ZNF487: variants seen among roughly 807,000 people sequenced by gnomAD.
ZNF487 encodes the protein zinc finger protein 487.
In ZNF487, 4 loss-of-function variants were observed where a neutral mutation model predicts 3.0. The observed-to-expected ratio is 1.35, with a 90% confidence interval of 0.66 to 3.08. The LOEUF is 3.08. ZNF487 is among the 30% of genes most tolerant of loss of function. The pLI, the probability that ZNF487 is intolerant of heterozygous loss-of-function variation, is 0.01. For synonymous variants in ZNF487, 55 were observed against 34.6 expected (o/e 1.59, Z -2.06); for missense variants, 146 against 98.7 (o/e 1.48, Z -2.03).
intron 1 of ZNF487, among the ~76,000 whole-genome samples, chr10:43,448,606 A>C (rs1839896637): frequency 6.6e-6 from 1 of 151,720 alleles, no homozygotes; most frequent in African/African-American, 2.4e-5. Flanking sequence ...ACTTGAGGCC[A>C]GGAGTTTGAG....
At chr10:43,498,096 TA>T in the ZNF487 span, among the ~76,000 whole-genome samples, 452 of 10,416 alleles carry the variant, frequency 0.043, 32 homozygotes, top group South Asian at 0.11. Context: ...TATATATATA[TA>T]TATTTTTTTT....
chr10:43,488,571 G>A, the ZNF487 span, among the ~76,000 whole-genome samples: 2 of 152,102 alleles, frequency 1.3e-5, no homozygotes, highest in African/African-American at 4.8e-5. Flanking sequence ...CTTTGAGAAA[G>A]TACACCTAAT....
intron 3 of ZNF487, among the ~76,000 whole-genome samples, chr10:43,481,166 C>T (rs1015590914): frequency 1.3e-5 from 2 of 151,660 alleles, no homozygotes; most frequent in African/African-American, 4.8e-5. Flanking sequence ...TCCATCTCTA[C>T]AAAAAATACA....
intron 1 of ZNF487, among the ~76,000 whole-genome samples, chr10:43,455,311 T>C (rs1480980443): frequency 6.6e-6 from 1 of 152,192 alleles, no homozygotes; most frequent in South Asian, 2.1e-4. Context: ...GCGCACGGCC[T>C]AGTTTGCACT....
the ZNF487 span, among the ~76,000 whole-genome samples, chr10:43,497,933 C>T: frequency 6.7e-6 from 1 of 148,442 alleles, no homozygotes; most frequent in East Asian, 2.0e-4. Context: ...CGCCACTGCC[C>T]TCCAGCCTGG....
At chr10:43,523,487 C>G in the ZNF487 span, 1 of 152,206 alleles carries the variant, frequency 6.6e-6, no homozygotes, top group Non-Finnish European at 1.5e-5. Context: ...TGGAAGGAAG[C>G]TTGATGAGCT....
At chr10:43,520,227 G>A in the ZNF487 span, among the ~76,000 whole-genome samples, 3 of 151,970 alleles carry the variant, frequency 2.0e-5, no homozygotes, top group Admixed American at 2.0e-4. Context: ...CCCCCAGAGA[G>A]AAAGATCCCT....
the ZNF487 span, among the ~76,000 whole-genome samples, chr10:43,510,784 G>C: frequency 7.9e-5 from 12 of 152,222 alleles, no homozygotes; most frequent in African/African-American, 2.9e-4. Flanking sequence ...CTGACCTCAT[G>C]ATCCGCCCGC....
the ZNF487 span, among the ~76,000 whole-genome samples, chr10:43,517,059 A>C: frequency 6.6e-6 from 1 of 152,224 alleles, no homozygotes; most frequent in South Asian, 2.1e-4. Flanking sequence ...TAAGAGGACA[A>C]CTATCATATT....
At chr10:43,445,731 G>T (rs1366108331) in intron 1 of ZNF487, among the ~76,000 whole-genome samples, 1 of 151,802 alleles carries the variant, frequency 6.6e-6, no homozygotes, top group Non-Finnish European at 1.5e-5. Flanking sequence ...CTCCGAGGGG[G>T]GATTTGGCAG....
intron 1 of ZNF487, among the ~76,000 whole-genome samples, chr10:43,445,613 A>G (rs73255811): frequency 0.033 from 4,911 of 150,442 alleles, 263 homozygotes; most frequent in African/African-American, 0.11. Flanking sequence ...ACTTTACCCA[A>G]TGGGCCATGA....
chr10:43,453,906 T>A (rs756930937), intron 1 of ZNF487: 3 of 152,132 alleles, frequency 2.0e-5, no homozygotes, highest in African/African-American at 4.8e-5. Context: ...ATGAGTATAA[T>A]GCTCTCATGT....
intron 1 of ZNF487, among the ~76,000 whole-genome samples, chr10:43,462,732 G>C (rs892607527): frequency 6.6e-6 from 1 of 150,556 alleles, no homozygotes; most frequent in African/African-American, 2.4e-5. Flanking sequence ...GGGATTACAG[G>C]CATGAGCCAC....
upstream of ZNF487, chr10:43,437,022 G>A (rs550409723): frequency 2.4e-5 from 9 of 367,594 alleles, no homozygotes; most frequent in East Asian, 1.0e-3. Context: ...TAGGCACGCG[G>A]GAGCAGCAAG....
the ZNF487 span, among the ~76,000 whole-genome samples, chr10:43,497,575 T>C: frequency 3.3e-5 from 5 of 152,128 alleles, no homozygotes; most frequent in Non-Finnish European, 5.9e-5. Context: ...AGGGAGGTCA[T>C]GTGAAGGGTT....
chr10:43,508,569 G>A, the ZNF487 span, among the ~76,000 whole-genome samples: 64 of 152,172 alleles, frequency 4.2e-4, 3 homozygotes, highest in Admixed American at 4.1e-3. Context: ...AGCACTTTGG[G>A]AGGCCGAGGC....
intron 1 of ZNF487, among the ~76,000 whole-genome samples, chr10:43,462,672 T>G (rs1400950151): frequency 2.0e-5 from 3 of 151,948 alleles, no homozygotes. Context: ...GCCAGGATGG[T>G]CACGATCTCT....
chr10:43,455,109 A>C (rs1428417249), intron 1 of ZNF487, among the ~76,000 whole-genome samples: 1 of 151,244 alleles, frequency 6.6e-6, no homozygotes, highest in Non-Finnish European at 1.5e-5. Flanking sequence ...CCCGGGTTCA[A>C]GGCCTTCTCC....
chr10:43,465,112 C>T (rs1488803981), intron 1 of ZNF487, among the ~76,000 whole-genome samples: 17 of 147,394 alleles, frequency 1.2e-4, no homozygotes, highest in Non-Finnish European at 2.1e-4. Context: ...CCACCTCCCT[C>T]CCGGATGGGG....
Sources: gnomAD v4.1 joint callset for allele counts (sites outside exome capture counted in the v4.1 genomes callset) on GRCh38, gnomAD v4.1.1 for gene constraint, MANE v1.5 for transcripts, NCBI Gene and HGNC (gene_info 2026-07-23, HGNC 2026-07-21) for gene names.